The following PRPSAP1 variants were observed in gnomAD, a reference collection of about 807,000 sequenced individuals.
The protein encoded by PRPSAP1 is phosphoribosyl pyrophosphate synthetase associated protein 1, also known as phosphoribosyl pyrophosphate synthase-associated protein 1.
Under a neutral mutation model 39.4 loss-of-function variants are expected in PRPSAP1, and 31 were observed. The ratio of observed to expected loss-of-function variants is 0.79; its 90% CI spans 0.59 to 1.06. PRPSAP1 has a LOEUF of 1.06. Among genes scored for constraint, PRPSAP1 ranks in the 50% least tolerant of loss-of-function variants. The probability of loss-of-function intolerance (pLI) is 0.00; values close to 1 mark genes in which losing one functional copy is unlikely to be tolerated. For missense variants in PRPSAP1, 430 were observed against 511.6 expected (o/e 0.84, Z 1.54); for synonymous variants, 212 against 192.6 (o/e 1.10, Z -0.83).
intron 4 of PRPSAP1, among the ~76,000 whole-genome samples, chr17:76,331,152 A>G (rs931861041): frequency 1.1e-4 from 17 of 152,220 alleles, no homozygotes; most frequent in African/African-American, 4.1e-4. Flanking sequence ...TATGTAACAA[A>G]GAATGTTTCA....
At chr17:76,332,487 G>A (rs1355703159) in intron 3 of PRPSAP1, 52 bp from the exon 4 acceptor site, 2 of 1,597,156 alleles carry the variant, frequency 1.3e-6, no homozygotes, top group Non-Finnish European at 1.7e-6. Context: ...ATCAACCCTA[G>A]AAAAGATCTT....
chr17:76,342,557 A>G (rs1167742104), intron 3 of PRPSAP1, among the ~76,000 whole-genome samples: 1 of 151,248 alleles, frequency 6.6e-6, no homozygotes, highest in Admixed American at 6.6e-5. Flanking sequence ...CTCTACTAAA[A>G]ATACAAAAAA....
chr17:76,341,715 G>A (rs185172397), intron 3 of PRPSAP1, among the ~76,000 whole-genome samples: 16 of 152,262 alleles, frequency 1.1e-4, no homozygotes, highest in South Asian at 8.3e-4. Flanking sequence ...CGAGGCAGGC[G>A]GATCACGAGG....
intron 7 of PRPSAP1, among the ~76,000 whole-genome samples, chr17:76,316,300 C>T (rs73354384): frequency 0.03 from 4,607 of 151,500 alleles, 232 homozygotes; most frequent in African/African-American, 0.1. Flanking sequence ...TACTTTTTTG[C>T]AACCCTACCT....
rs374946298 is a variant in PRPSAP1 at position 76,348,160 on chromosome 17, A to AAAATAAATAAATAAAT, written c.223+353_223+368dup. On this transcript the variant is annotated intron_variant, in intron 2 of 9. Coordinates refer to ENST00000446526, the MANE Select transcript of PRPSAP1 (RefSeq NM_002766.3). ...AACATAGTGAGACCCCATCTTAATAAAAATAAATAAATAAATAAATAAATA... is the reference window on the plus strand; with the variant it reads ...AACATAGTGAGACCCCATCTTAATAAAAATAAATAAATAAATAAATAAATAAATAAATAAATAAATA... Among the ~76,000 whole-genome samples the AAAATAAATAAATAAAT allele has an allele frequency of 4.8e-3, 710 of 149,230 alleles. 4 individuals are homozygous for AAAATAAATAAATAAAT. Among genetic ancestry groups the AAAATAAATAAATAAAT allele is most frequent in the African/African-American group, 0.017 (670 of 39,622 alleles).
Position 76,330,592 on chromosome 17 carries a change from G to C in PRPSAP1, c.538C>G (p.Leu180Val). ...TGAAGCAGGAAAGGTGAGGCTCTAAGGTTGTCCACAGGAAAGCTGAAAAAG... is the reference window on the plus strand; with the variant it reads ...TGAAGCAGGAAAGGTGAGGCTCTAACGTTGTCCACAGGAAAGCTGAAAAAG... The part of the protein sequence containing the change: ...QGFFSFPVDN[L>V]RASPFLLQYI... Residue 180 changes from leucine (L) to valine (V), a missense_variant, in exon 5 of 10, where the codon CTT (leucine) becomes GTT (valine). Physicochemically the swap from Leu to Val is conservative, Grantham distance 32. This residue lies in a region of PRPSAP1 where 278 missense variants were observed against 376.3 expected (regional missense o/e 0.74). Transcript: ENST00000446526. The C allele has an allele frequency of 6.2e-7, 1 of 1,613,074 alleles. No individual in the cohort carries two copies. The highest frequency in any genetic ancestry group is 8.5e-7 in the Non-Finnish European group (1 of 1,179,266).
At chr17:76,349,032 C>T (rs1004489888) in intron 1 of PRPSAP1, among the ~76,000 whole-genome samples, 1 of 152,072 alleles carries the variant, frequency 6.6e-6, no homozygotes, top group Non-Finnish European at 1.5e-5. Context: ...CATTTTTGGC[C>T]AGGCGTGGTG....
chr17:76,316,683 A>C (rs1176952096), intron 7 of PRPSAP1, among the ~76,000 whole-genome samples: 3 of 152,244 alleles, frequency 2.0e-5, no homozygotes, highest in African/African-American at 7.2e-5. Flanking sequence ...CATGAATAAA[A>C]TGAATTGTGC....
chr17:76,347,585 C>A (rs2071523596), intron 2 of PRPSAP1, among the ~76,000 whole-genome samples: 1 of 150,294 alleles, frequency 6.7e-6, no homozygotes, highest in Non-Finnish European at 1.5e-5. Flanking sequence ...TTGCAGGACT[C>A]TGGATTTCAT....
intron 3 of PRPSAP1, among the ~76,000 whole-genome samples, chr17:76,340,096 A>T (rs2071419401): frequency 6.7e-6 from 1 of 148,986 alleles, no homozygotes; most frequent in Non-Finnish European, 1.5e-5. Flanking sequence ...CAGTGAGCCG[A>T]GATCGTGCCA....
rs779238232 is a variant in PRPSAP1, at chr17:76,348,573, C to A, written c.179G>T (p.Gly60Val). Residue 60 changes from glycine to valine, a missense_variant, in exon 2 of 10, where the codon GGT (glycine) becomes GTT (valine). Physicochemically the swap from Gly to Val is moderately radical, Grantham distance 109. Around this residue, in one of 2 missense-constraint regions of PRPSAP1, gnomAD observed 152 missense variants for 135.2 expected, o/e 1.12. Transcript: ENST00000446526. ...ELAKRITERL[G>V]AELGKSVVYQ... The stretch of plus-strand genomic sequence containing the variant: ...TACAACAGACTTCCCCAATTCAGCA[C>A]CAAGGCGCCTATAGATCAAAAAGAA... 2.0e-6 allele frequency: 3 copies of A among 1,531,622 alleles called. No homozygotes were observed. Among genetic ancestry groups the A allele is most frequent in the South Asian group, 1.3e-5 (1 of 74,584 alleles). 94.9% of individuals were successfully genotyped at this position (1,531,622 alleles called of 1,614,324 possible). A position where few individuals can be genotyped will look rare whatever the true frequency, so the allele number is the denominator to read the frequency against.
At chr17:76,317,653 G>C (rs1216540973) in intron 7 of PRPSAP1, among the ~76,000 whole-genome samples, 1 of 152,230 alleles carries the variant, frequency 6.6e-6, no homozygotes, top group African/African-American at 2.4e-5. Flanking sequence ...ACATGCTCAA[G>C]AGGTGCCAAT....
chr17:76,353,546 T>C lies in PRPSAP1; in HGVS notation c.158A>G (p.Lys53Arg). The change falls in exon 1 of 10, where the codon AAG becomes AGG. Residue 53 changes from lysine (K) to arginine (R), a missense_variant. Coordinates refer to ENST00000446526, the MANE Select transcript of PRPSAP1 (RefSeq NM_002766.3). ...ACCGCCCCCTTACTCTGTGATGCGC[T>C]TGGCCAGCTCCGTGCAGGCGGCCGT... ...NSTAACTELA[K>R]RITERLGAEL... The C allele has an allele frequency of 6.5e-7, 1 of 1,537,198 alleles. No homozygotes were observed. Among genetic ancestry groups the C allele is most frequent in the Non-Finnish European group, 8.7e-7 (1 of 1,146,820 alleles).
At chr17:76,325,396 G>C (rs1308302738) in intron 7 of PRPSAP1, among the ~76,000 whole-genome samples, 1 of 96,982 alleles carries the variant, frequency 1.0e-5, no homozygotes, top group Non-Finnish European at 1.9e-5. Context: ...GCGACAGAGC[G>C]AGGAGACTCA....
intron 3 of PRPSAP1, among the ~76,000 whole-genome samples, chr17:76,344,150 T>C (rs1296808355): frequency 2.0e-5 from 3 of 149,394 alleles, no homozygotes; most frequent in African/African-American, 7.4e-5. Flanking sequence ...TTTTTTGAGA[T>C]GGAGTCTTGC....
intron 3 of PRPSAP1, among the ~76,000 whole-genome samples, chr17:76,334,613 C>G (rs1390782653): frequency 6.8e-6 from 1 of 147,672 alleles, no homozygotes; most frequent in Non-Finnish European, 1.5e-5. Flanking sequence ...CTATTGCAAG[C>G]ATTCTATGAT....
At chr17:76,348,332 G>A (rs1027311494) in intron 2 of PRPSAP1, among the ~76,000 whole-genome samples, 197 bp downstream of exon 2, 1 of 151,626 alleles carries the variant, frequency 6.6e-6, no homozygotes, top group African/African-American at 2.4e-5. Flanking sequence ...AATTAGCCGG[G>A]TGTGGTGGCG....
At chr17:76,322,379 G>C (rs2071207203) in intron 7 of PRPSAP1, among the ~76,000 whole-genome samples, 1 of 152,076 alleles carries the variant, frequency 6.6e-6, no homozygotes, top group African/African-American at 2.4e-5. Context: ...CTGGGCGACA[G>C]AGCAAGACTC....
At chr17:76,353,221 C>T in intron 1 of PRPSAP1, 1 of 319,840 alleles carries the variant, frequency 3.1e-6, no homozygotes, top group Non-Finnish European at 5.8e-6. Context: ...CCCCAAGACA[C>T]GCACTCCGGG....
Sources: allele counts gnomAD v4.1 joint callset (sites outside exome capture counted in the v4.1 genomes callset), GRCh38; gene constraint gnomAD v4.1.1; regional missense constraint gnomAD v4.1.1; transcripts MANE v1.5; gene names NCBI Gene and HGNC (gene_info 2026-07-23, HGNC 2026-07-21).